The following OPA3 variants were observed in gnomAD, a reference collection of about 807,000 sequenced individuals.
OPA3 encodes the protein optic atrophy 3 protein.
A neutral mutation model predicts 4.0 loss-of-function variants in OPA3; 6 were observed. The ratio of observed to expected loss-of-function variants is 1.51; its 90% CI spans 0.83 to 2.99. The LOEUF (loss-of-function observed/expected upper bound fraction) is 2.99, where lower values mean the gene tolerates loss of function less well. OPA3 is among the 30% of genes most tolerant of loss of function. OPA3 has a pLI of 0.00. For synonymous variants in OPA3, 105 were observed against 117.1 expected, an observed-to-expected ratio of 0.90 and a Z score of 0.67; for missense variants, 235 against 256.2, an observed-to-expected ratio of 0.92 and a Z score of 0.56.
intron 1 of OPA3, 128 bp from the exon 2 acceptor site, chr19:45,554,039 G>C: frequency 1.4e-6 from 1 of 729,412 alleles, no homozygotes; most frequent in Non-Finnish European, 2.2e-6. Flanking sequence ...GATGATTCTA[G>C]CGAGCAGCCA....
chr19:45,572,850 T>A, intron 1 of OPA3, among the ~76,000 whole-genome samples: 1 of 144,062 alleles, frequency 6.9e-6, no homozygotes, highest in African/African-American at 2.5e-5. Flanking sequence ...TCTATATATA[T>A]TTTTTTTTTA....
intron 1 of OPA3, among the ~76,000 whole-genome samples, chr19:45,580,583 G>A (rs987342197): frequency 9.2e-5 from 14 of 151,368 alleles, no homozygotes; most frequent in African/African-American, 1.7e-4. Flanking sequence ...GGGAGGCACC[G>A]CGCCCAGCAC....
intron 1 of OPA3, among the ~76,000 whole-genome samples, chr19:45,534,167 C>T (rs545929798): frequency 6.6e-6 from 1 of 152,332 alleles, no homozygotes; most frequent in South Asian, 2.1e-4. Flanking sequence ...AGGAGAGCCT[C>T]CTGAAAATAC....
intron 1 of OPA3, among the ~76,000 whole-genome samples, chr19:45,540,577 AAAAAAAGGGGGCC>A (rs934714594): frequency 1.5e-4 from 22 of 150,936 alleles, no homozygotes; most frequent in Non-Finnish European, 3.2e-4. Context: ...AAAAAAAAAA[AAAAAAAGGGGGCC>A]AGGCACGGTG....
chr19:45,570,979 G>GGGA (rs1555735065), intron 1 of OPA3, among the ~76,000 whole-genome samples: 2 of 15,232 alleles, frequency 1.3e-4, no homozygotes, highest in African/African-American at 7.8e-4. Flanking sequence ...AAAACTATTT[G>GGGA]GGGGGGGGGG....
At chr19:45,537,726 G>A (rs1969138464) in intron 1 of OPA3, among the ~76,000 whole-genome samples, 2 of 151,976 alleles carry the variant, frequency 1.3e-5, no homozygotes, top group African/African-American at 2.4e-5. Flanking sequence ...TCTGCCCTCC[G>A]GTTTCAAGCG....
rs747289326 is a variant in OPA3, at chr19:45,553,487, C to T, written c.*27G>A. The T allele has an allele frequency of 1.2e-6, 2 of 1,611,852 alleles. No homozygotes were observed. The highest frequency in any genetic ancestry group is 3.3e-5 in the Admixed American group (2 of 60,026). On this transcript the variant is annotated 3_prime_UTR_variant, in exon 2 of 2. Transcript: ENST00000263275. ...CCACGTTAGGTACATAGGCCATGTC[C>T]AAATTCAGGTTCCATCCAGCAAGCT...
Position 45,549,727 on chromosome 19 carries a change from A to G in OPA3, c.*3787T>C. On this transcript the variant is annotated 3_prime_UTR_variant, in exon 2 of 2. Transcript: ENST00000263275. ...TCTCCTAACATCATGTGATCAGTCC[A>G]CCTTGGCCTCTCAAAGTGCTGGGAT... The G allele has an allele frequency of 9.2e-6, 9 of 979,060 alleles. No homozygotes were observed. Among genetic ancestry groups the G allele is most frequent in the Non-Finnish European group, 1.1e-5 (9 of 824,434 alleles). 60.6% of individuals were successfully genotyped at this position (979,060 alleles called of 1,614,324 possible).
rs1008467625 is a variant in OPA3, at chr19:45,549,299, C to A, written c.*4215G>T. ...TTCTTTCCACTTCCACACACTCTGG[C>A]CACCCCTGACGCCGCAGTGGGGGAA... On this transcript the variant is annotated 3_prime_UTR_variant, in exon 2 of 2. Coordinates refer to ENST00000263275, the MANE Select transcript of OPA3 (RefSeq NM_025136.4). 106 of 985,280 alleles carry A rather than the reference C, an allele frequency of 1.1e-4. No homozygotes were observed. The highest frequency in any genetic ancestry group is 1.2e-4 in the Non-Finnish European group (103 of 829,962). The allele number at this position is 985,280 out of a possible 1,614,324, so 61.0% of individuals were successfully genotyped here. A position where few individuals can be genotyped will look rare whatever the true frequency, so the allele number is the denominator to read the frequency against.
intron 1 of OPA3, among the ~76,000 whole-genome samples, chr19:45,582,464 CAG>C (rs1442273931): frequency 1.3e-5 from 2 of 151,980 alleles, no homozygotes; most frequent in Non-Finnish European, 2.9e-5. Flanking sequence ...CCAGCTGGAG[CAG>C]AGTTTTTTTG....
downstream of OPA3, among the ~76,000 whole-genome samples, chr19:45,544,163 G>A (rs1206373516): frequency 6.6e-6 from 1 of 152,192 alleles, no homozygotes; most frequent in Non-Finnish European, 1.5e-5. Context: ...GGCATTTTGG[G>A]ATCTGAGCCC....
Position 45,572,107 on chromosome 19 carries a change from A to G in OPA3, c.142+12516T>C, listed in dbSNP as rs1046198077. 1.8e-4 allele frequency among the ~76,000 whole-genome samples: 26 copies of G among 141,518 alleles called. 1 individual carries two copies. The highest frequency in any genetic ancestry group is 6.6e-4 in the African/African-American group (26 of 39,408). The allele number at this position is 141,518 out of a possible 152,430, so 92.8% of individuals were successfully genotyped here. A position where few individuals can be genotyped will look rare whatever the true frequency, so the allele number is the denominator to read the frequency against. On this transcript the variant is annotated intron_variant, in intron 1 of 1. Coordinates refer to ENST00000263275, the MANE Select transcript of OPA3 (RefSeq NM_025136.4). ...CTTTTTTCATGTGGTGTATATATAT[A>G]TATCAATATATATTGATATATATAT... is the stretch of plus-strand genomic sequence containing the variant.
intron 1 of OPA3, among the ~76,000 whole-genome samples, chr19:45,568,631 T>G (rs533085728): frequency 1.8e-4 from 28 of 152,134 alleles, no homozygotes; most frequent in Non-Finnish European, 4.0e-4. Flanking sequence ...TAACACACAA[T>G]GCTCCAGTTA....
At position 45,529,148 on chromosome 19, in the gene OPA3, C is replaced by A. The variant is rs745540793; in HGVS notation, c.451G>T (p.Glu151Ter). The A allele has an allele frequency of 6.2e-7, 1 of 1,609,994 alleles. No individual in the cohort carries two copies. Among genetic ancestry groups the A allele is most frequent in the Non-Finnish European group, 8.5e-7 (1 of 1,179,366 alleles). Reference sequence around the variant, plus strand: ...ACCTCCTGCAGCTGAGCGCGCAGCTCCTCCAGGGCGAGCTGCGTCGACGTC... The same window carrying A: ...ACCTCCTGCAGCTGAGCGCGCAGCTACTCCAGGGCGAGCTGCGTCGACGTC... Residue 151 changes from glutamate (E) to a stop codon, truncating the protein, a stop_gained, in exon 2 of 2, where the codon GAG (glutamate) becomes TAG (stop). Coordinates refer to the OPA3 transcript ENST00000323060. LOFTEE classifies it low-confidence loss of function (END_TRUNC).
intron 1 of OPA3, among the ~76,000 whole-genome samples, chr19:45,579,180 G>A (rs1210681508): frequency 1.3e-5 from 2 of 151,952 alleles, no homozygotes; most frequent in Non-Finnish European, 2.9e-5. Flanking sequence ...CTACAACCCT[G>A]ATTTTTTTCC....
In OPA3 at chr19:45,559,391, TTCTTTC is replaced by T. The variant is rs1328061340; in HGVS notation, c.143-5486_143-5481del. ...TCTTCTCTCTCTTCTTTCCCTCTTT[TTCTTTC>T]TTTTTTTTTTTTTTTTTTTTTTGAG... On this transcript the variant is annotated intron_variant, in intron 1 of 1. Transcript: ENST00000263275. Among the ~76,000 whole-genome samples the T allele has an allele frequency of 6.2e-4, 69 of 111,148 alleles. 2 individuals are homozygous for T. The highest frequency in any genetic ancestry group is 2.5e-3 in the African/African-American group (67 of 26,946). The allele number at this position is 111,148 out of a possible 152,430, so 72.9% of individuals were successfully genotyped here. A position where few individuals can be genotyped will look rare whatever the true frequency, so the allele number is the denominator to read the frequency against.
chr19:45,571,493 T>C (rs999324561), intron 1 of OPA3, among the ~76,000 whole-genome samples: 5 of 152,258 alleles, frequency 3.3e-5, no homozygotes, highest in Admixed American at 3.3e-4. Flanking sequence ...CATACATATA[T>C]GCTAGGGAAG....
rs71173176 is a variant in OPA3, at chr19:45,530,927, C to CTTTTTTTTTTTTTTTT, written c.143-1487_143-1472dup. ...ATGGCGTGTGCCACCATGTCACCTA[C>CTTTTTTTTTTTTTTTT]TTTTTTTTTTTTTTTTTTTTTTTTT... On this transcript the variant is annotated intron_variant, in intron 1 of 1. Transcript: ENST00000323060. Among the ~76,000 whole-genome samples the CTTTTTTTTTTTTTTTT allele has an allele frequency of 6.5e-4, 23 of 35,454 alleles. 4 individuals are homozygous for CTTTTTTTTTTTTTTTT. Among genetic ancestry groups the CTTTTTTTTTTTTTTTT allele is most frequent in the Admixed American group, 9.9e-4 (2 of 2,016 alleles). 23.3% of individuals were successfully genotyped at this position (35,454 alleles called of 152,430 possible). A position where few individuals can be genotyped will look rare whatever the true frequency, so the allele number is the denominator to read the frequency against.
At chr19:45,572,902 T>A (rs1264613215) in intron 1 of OPA3, among the ~76,000 whole-genome samples, 1 of 150,758 alleles carries the variant, frequency 6.6e-6, no homozygotes, top group African/African-American at 2.4e-5. Context: ...GAAGGATTTC[T>A]CCAAGGCCTG....
Sources: allele counts gnomAD v4.1 joint callset (sites outside exome capture counted in the v4.1 genomes callset), GRCh38; gene constraint gnomAD v4.1.1; transcripts MANE v1.5; gene names NCBI Gene and HGNC (gene_info 2026-07-23, HGNC 2026-07-21).